Variants in UGT2B4 observed in about 807,000 individuals in gnomAD.
The protein encoded by UGT2B4 is UDP glucuronosyltransferase family 2 member B4, also known as UDP-glucuronosyltransferase 2B4.
Under a neutral mutation model 49.8 loss-of-function variants are expected in UGT2B4, and 49 were observed. The ratio of observed to expected loss-of-function variants is 0.98; its 90% CI spans 0.78 to 1.25. UGT2B4 has a LOEUF of 1.25. UGT2B4 is among the 50% of genes most tolerant of loss of function. The pLI is 0.00. For missense variants in UGT2B4, 729 were observed against 627.7 expected (o/e 1.16, Z -1.73); for synonymous variants, 246 against 217.7 (o/e 1.13, Z -1.14).
intron 5 of UGT2B4, 90 bp downstream of exon 5, chr4:69,485,118 G>A (rs569318175): frequency 2.1e-5 from 30 of 1,440,160 alleles, no homozygotes; most frequent in Non-Finnish European, 2.9e-5. Flanking sequence ...TTCGAAATCA[G>A]TCGCTTATAA....
At chr4:69,493,567 T>C (rs1042468498) in intron 2 of UGT2B4, 126 bp downstream of exon 2, 1 of 1,173,650 alleles carries the variant, frequency 8.5e-7, no homozygotes, top group Non-Finnish European at 1.1e-6. Context: ...CGTCAGTTTC[T>C]AATTGGTATC....
chr4:69,488,646 TA>T (rs1407560432), intron 3 of UGT2B4, among the ~76,000 whole-genome samples: 1 of 152,046 alleles, frequency 6.6e-6, no homozygotes, highest in Non-Finnish European at 1.5e-5. Context: ...GAGTCCTTTC[TA>T]TATTTCCTTC....
chr4:69,501,209 C>A (rs891913377), intron 1 of UGT2B4, among the ~76,000 whole-genome samples: 1 of 147,276 alleles, frequency 6.8e-6, no homozygotes. Flanking sequence ...CTTAGCTGTT[C>A]TGCCATTTGA....
At chr4:69,481,183 C>T (rs1189667880) in intron 5 of UGT2B4, among the ~76,000 whole-genome samples, 3 of 148,542 alleles carry the variant, frequency 2.0e-5, no homozygotes, top group Admixed American at 6.8e-5. Context: ...GCAGGAGAAT[C>T]GCTTGAACCC....
chr4:69,516,716 CAT>C (rs1283788533), intron 1 of UGT2B4, among the ~76,000 whole-genome samples: 2 of 151,916 alleles, frequency 1.3e-5, no homozygotes, highest in Admixed American at 1.3e-4. Flanking sequence ...AGGGGATTCT[CAT>C]GTTTCAGTCT....
At chr4:69,523,639 T>C (rs1014685858) in intron 1 of UGT2B4, among the ~76,000 whole-genome samples, 2 of 152,090 alleles carry the variant, frequency 1.3e-5, no homozygotes, top group Admixed American at 6.5e-5. Flanking sequence ...GATTTCCTGA[T>C]AAATAAACAT....
Position 69,508,457 on chromosome 4 carries a change from C to T in UGT2B4, c.-105-12491G>A, listed in dbSNP as rs376760246. 9.2e-5 allele frequency among the ~76,000 whole-genome samples: 14 copies of T among 152,128 alleles called. No homozygotes were observed. The East Asian group carries it at 1.7e-3, about 19-fold the overall frequency. ...CAAAGACATGGAATCAATCTAAATG[C>T]TCATCAGTGATAGACTGGATAAAGA... On this transcript the variant is annotated intron_variant, in intron 1 of 1. Transcript: ENST00000510114.
chr4:69,489,548 C>A lies in UGT2B4; in HGVS notation c.893G>T (p.Ser298Ile). 3 of 1,609,786 alleles carry A rather than the reference C, an allele frequency of 1.9e-6. No individual in the cohort carries two copies. The highest frequency in any genetic ancestry group is 2.5e-6 in the Non-Finnish European group (3 of 1,177,996). Residue 298 changes from serine (S) to isoleucine (I), a missense_variant, in exon 3 of 6, where the codon AGC becomes ATC. Transcript: ENST00000305107. ...CACCACAACACCATTTTCTCCAGAG[C>A]TCTGGACAAACTCTTCCATTTCCTG... ...LPKEMEEFVQ[S>I]SGENGVVVFS...
At chr4:69,512,330 G>T (rs1728625061) in intron 1 of UGT2B4, among the ~76,000 whole-genome samples, 1 of 151,462 alleles carries the variant, frequency 6.6e-6, no homozygotes, top group Admixed American at 6.6e-5. Context: ...GTAAATTTTG[G>T]TATGTTGTGT....
At chr4:69,513,889 G>T (rs1009215956) in intron 1 of UGT2B4, among the ~76,000 whole-genome samples, 4 of 152,092 alleles carry the variant, frequency 2.6e-5, no homozygotes, top group South Asian at 2.1e-4. Context: ...TGCTGTTGAT[G>T]CATAAGAATG....
In UGT2B4 at chr4:69,523,971, C is replaced by CT. The variant is rs200211272; in HGVS notation, c.-106+1715dup. ...TGAGCCAATGTCTGCTAGCTTCCAA[C>CT]TTTTTTTCTGCAGCTTCCTCAACAT... is the stretch of plus-strand genomic sequence containing the variant. On this transcript the variant is annotated intron_variant, in intron 1 of 1. Transcript: ENST00000510114. Among the ~76,000 whole-genome samples the CT allele has an allele frequency of 1.0e-3, 155 of 152,192 alleles. 1 individual carries two copies. The East Asian group carries it at 0.027, about 27-fold the overall frequency.
chr4:69,503,790 C>G (rs768852984), intron 1 of UGT2B4, among the ~76,000 whole-genome samples: 1 of 152,194 alleles, frequency 6.6e-6, no homozygotes, highest in South Asian at 2.1e-4. Context: ...CTTCAGCCTT[C>G]GTGATGAGCA....
At chr4:69,516,657 A>AG (rs1728741274) in intron 1 of UGT2B4, among the ~76,000 whole-genome samples, 1 of 151,896 alleles carries the variant, frequency 6.6e-6, no homozygotes, top group African/African-American at 2.4e-5. Context: ...CCCAGGCTGG[A>AG]GTGCAGTGGT....
chr4:69,500,077 G>A (rs114724016), upstream of UGT2B4, among the ~76,000 whole-genome samples: 2 of 152,084 alleles, frequency 1.3e-5, no homozygotes, highest in Non-Finnish European at 2.9e-5. Flanking sequence ...AAACAAGAAT[G>A]AGATCATGTC....
upstream of UGT2B4, among the ~76,000 whole-genome samples, chr4:69,496,476 A>G (rs1355205867): frequency 6.6e-6 from 1 of 152,232 alleles, no homozygotes; most frequent in African/African-American, 2.4e-5. Context: ...ACTAAAGATA[A>G]AATAGCTAAA....
chr4:69,497,898 A>T (rs1221123046), upstream of UGT2B4, among the ~76,000 whole-genome samples: 1 of 152,232 alleles, frequency 6.6e-6, no homozygotes, highest in Non-Finnish European at 1.5e-5. Flanking sequence ...TGGATGTGGC[A>T]TATGCCATTG....
chr4:69,522,470 C>T (rs1004099481), intron 1 of UGT2B4, among the ~76,000 whole-genome samples: 3 of 152,136 alleles, frequency 2.0e-5, no homozygotes, highest in Non-Finnish European at 4.4e-5. Context: ...TTTCCCAGTA[C>T]ATATAAAAGT....
chr4:69,507,637 C>T (rs144887081), intron 1 of UGT2B4, among the ~76,000 whole-genome samples: 186 of 151,736 alleles, frequency 1.2e-3, no homozygotes, highest in African/African-American at 4.4e-3. Context: ...GTTAAGATGG[C>T]CATACTGTAC....
At chr4:69,525,633 T>C (rs761464981) in intron 1 of UGT2B4, 71 of 1,162,546 alleles carry the variant, frequency 6.1e-5, no homozygotes, top group Non-Finnish European at 7.6e-5. Context: ...CAGGTATCTA[T>C]GCACCTGCCA....
Sources: gnomAD v4.1 joint callset for allele counts (sites outside exome capture counted in the v4.1 genomes callset) on GRCh38, gnomAD v4.1.1 for gene constraint, MANE v1.5 for transcripts, NCBI Gene and HGNC (gene_info 2026-07-23, HGNC 2026-07-21) for gene names.